Variants in ZSWIM5 observed in about 807,000 individuals in gnomAD.
ZSWIM5 encodes the protein zinc finger SWIM-type containing 5.
Under a neutral mutation model 119.6 loss-of-function variants are expected in ZSWIM5, and 55 were observed. The observed-to-expected ratio is 0.46, with a 90% CI of 0.37 to 0.58. The LOEUF is 0.58. ZSWIM5 is among the 20% of genes least tolerant of loss of function. The probability of loss-of-function intolerance (pLI) is 0.00; values close to 1 mark genes in which losing one functional copy is unlikely to be tolerated. For synonymous variants in ZSWIM5, 537 were observed against 606.9 expected (o/e 0.88, Z 1.69); for missense variants, 1,193 against 1,512.8 (o/e 0.79, Z 3.51).
intron 5 of ZSWIM5, among the ~76,000 whole-genome samples, chr1:45,047,540 A>T (rs1645063399): frequency 6.6e-6 from 1 of 152,186 alleles, no homozygotes; most frequent in Admixed American, 6.6e-5. Flanking sequence ...ATATGCTTGT[A>T]CACTCAAGAA....
chr1:45,128,552 G>A (rs1310990665), intron 1 of ZSWIM5, among the ~76,000 whole-genome samples: 1 of 152,174 alleles, frequency 6.6e-6, no homozygotes, highest in African/African-American at 2.4e-5. Context: ...TGTAGCACTG[G>A]AGGGAGAGGC....
intron 2 of ZSWIM5, among the ~76,000 whole-genome samples, chr1:45,081,566 G>A (rs2149008834): frequency 1.3e-5 from 2 of 152,358 alleles, no homozygotes; most frequent in East Asian, 3.9e-4. Context: ...GCCAGCCTCG[G>A]CCTCCCGAGG....
At chr1:45,030,235 T>C (rs1349527070) in intron 11 of ZSWIM5, among the ~76,000 whole-genome samples, 1 of 151,252 alleles carries the variant, frequency 6.6e-6, no homozygotes, top group Non-Finnish European at 1.5e-5. Flanking sequence ...TGAGTCACTT[T>C]GGCCTTTAAT....
chr1:45,085,375 T>A (rs1645320810), intron 2 of ZSWIM5, among the ~76,000 whole-genome samples: 2 of 152,330 alleles, frequency 1.3e-5, no homozygotes, highest in South Asian at 4.1e-4. Context: ...CTCATTGTCT[T>A]GGCTTTACTT....
intron 1 of ZSWIM5, among the ~76,000 whole-genome samples, chr1:45,125,895 A>C (rs1261487591): frequency 6.6e-6 from 1 of 151,138 alleles, no homozygotes; most frequent in Non-Finnish European, 1.5e-5. Flanking sequence ...GCAATATCTT[A>C]TCTCTACAAA....
At chr1:45,069,164 T>C (rs568322839) in intron 2 of ZSWIM5, among the ~76,000 whole-genome samples, 4 of 152,118 alleles carry the variant, frequency 2.6e-5, no homozygotes, top group South Asian at 2.1e-4. Context: ...CAATGGCTCA[T>C]GCCTGTAATC....
chr1:45,109,091 G>A lies in ZSWIM5; in HGVS notation c.596-20854C>T, dbSNP rs1479822275. 2.0e-5 allele frequency among the ~76,000 whole-genome samples: 3 copies of A among 152,314 alleles called. No individual in the cohort carries two copies. The East Asian group carries it at 5.8e-4, about 29-fold the overall frequency. On this transcript the variant is annotated intron_variant, in intron 1 of 13. Coordinates refer to ENST00000359600, the MANE Select transcript of ZSWIM5 (RefSeq NM_020883.2). The stretch of plus-strand genomic sequence containing the variant: ...TTTGTTCCATCTTGCAACTTGACCT[G>A]TATGGGGCAGCAAGAATGTCAAAAC...
In ZSWIM5 at chr1:45,088,900, T is replaced by G. The variant is rs1014364296; in HGVS notation, c.596-663A>C. Among the ~76,000 whole-genome samples, 7 of 152,212 alleles carry G rather than the reference T, an allele frequency of 4.6e-5. No individual in the cohort carries two copies. The highest frequency in any genetic ancestry group is 7.3e-5 in the Non-Finnish European group (5 of 68,046). On this transcript the variant is annotated intron_variant, in intron 1 of 13. Coordinates refer to ENST00000359600, the MANE Select transcript of ZSWIM5 (RefSeq NM_020883.2). The surrounding 1 kb of genome is among the most constrained non-coding windows in gnomAD (Gnocchi z 4.2). Reference sequence around the variant, plus strand: ...TTTGAAATGTAGGGAGAACCCATTTTTAACGTAACAAAATTAAAAGATAAA... The same window carrying G: ...TTTGAAATGTAGGGAGAACCCATTTGTAACGTAACAAAATTAAAAGATAAA...
chr1:45,098,110 G>C (rs1645415845), intron 1 of ZSWIM5, among the ~76,000 whole-genome samples: 1 of 146,034 alleles, frequency 6.8e-6, no homozygotes, highest in Non-Finnish European at 1.5e-5. Flanking sequence ...CAGACAAAAA[G>C]AGACAGAGAC....
At chr1:45,102,958 G>A (rs1464989233) in intron 1 of ZSWIM5, among the ~76,000 whole-genome samples, 1 of 152,016 alleles carries the variant, frequency 6.6e-6, no homozygotes, top group East Asian at 1.9e-4. Context: ...GACCTTCAGG[G>A]TCAAGTGATC....
At chr1:45,153,594 C>T (rs1645810748) in intron 1 of ZSWIM5, among the ~76,000 whole-genome samples, 1 of 151,870 alleles carries the variant, frequency 6.6e-6, no homozygotes, top group African/African-American at 2.4e-5. Flanking sequence ...AATCATTCCA[C>T]CAAAAACACA....
intron 1 of ZSWIM5, among the ~76,000 whole-genome samples, chr1:45,170,093 T>G (rs977096445): frequency 2.0e-5 from 3 of 152,144 alleles, no homozygotes; most frequent in Non-Finnish European, 2.9e-5. Flanking sequence ...TTATATAACA[T>G]TGTATGGATA....
Position 45,036,243 on chromosome 1 carries a change from G to C in ZSWIM5, c.1951C>G (p.Pro651Ala). Residue 651 changes from proline (P) to alanine (A), a missense_variant, in exon 9 of 14, where the codon CCA becomes GCA. Pro to Ala is a conservative substitution (Grantham distance 27, BLOSUM62 -1). Transcript: ENST00000359600. The part of the protein sequence containing the change: ...YQHVPVAAGS[P>A]NSSESYLSLA... The stretch of plus-strand genomic sequence containing the variant: ...GACAGGTAGGACTCACTGCTGTTTG[G>C]GGAGCCTGCAGCCACAGGTACATGC... The C allele has an allele frequency of 6.2e-7, 1 of 1,614,102 alleles. No homozygotes were observed. Among genetic ancestry groups the C allele is most frequent in the African/African-American group, 1.3e-5 (1 of 75,040 alleles).
chr1:45,122,874 T>C (rs1037044922), intron 1 of ZSWIM5, among the ~76,000 whole-genome samples: 3 of 152,138 alleles, frequency 2.0e-5, no homozygotes, highest in African/African-American at 7.2e-5. Context: ...TGTCAGGCTA[T>C]AACAAGGTGC....
chr1:45,093,846 G>GTTTT (rs11383878), intron 1 of ZSWIM5, among the ~76,000 whole-genome samples: 1 of 137,534 alleles, frequency 7.3e-6, no homozygotes, highest in Non-Finnish European at 1.5e-5. Context: ...GTAGAAGCTT[G>GTTTT]TTTTTTTTTT....
chr1:45,174,722 A>G (rs945518036), intron 1 of ZSWIM5, among the ~76,000 whole-genome samples: 1 of 152,120 alleles, frequency 6.6e-6, no homozygotes, highest in Non-Finnish European at 1.5e-5. Context: ...CCTGGGCCAC[A>G]GAGCAAGATT....
chr1:45,070,281 T>C (rs1645213467), intron 2 of ZSWIM5: 1 of 1,460,652 alleles, frequency 6.8e-7, no homozygotes, highest in Admixed American at 1.7e-5. Context: ...AATAACATCA[T>C]AAATTATTCC....
chr1:45,090,082 T>C (rs902194040), intron 1 of ZSWIM5, among the ~76,000 whole-genome samples: 5 of 152,306 alleles, frequency 3.3e-5, no homozygotes, highest in Admixed American at 3.3e-4. Context: ...CTGGCAGAAT[T>C]AACAAATGCA....
Position 45,060,211 on chromosome 1 carries a change from T to C in ZSWIM5, c.989A>G (p.Asp330Gly). 1 of 1,614,078 alleles carries C rather than the reference T, an allele frequency of 6.2e-7. No individual in the cohort carries two copies. Among genetic ancestry groups the C allele is most frequent in the East Asian group, 2.2e-5 (1 of 44,878 alleles). Residue 330 changes from aspartate to glycine, a missense_variant, in exon 3 of 14, where the codon GAT (aspartate) becomes GGT (glycine). Physicochemically the swap from Asp to Gly is moderately conservative, Grantham distance 94. Transcript: ENST00000359600. ...PDPTAGASID[D>G]ENCWHLDEEQ... ...TTCATCCAAATGCCAACAGTTCTCA[T>C]CGTCAATGCTGGCCCCAGCTGTGGG...
Sources: allele counts gnomAD v4.1 joint callset (sites outside exome capture counted in the v4.1 genomes callset), GRCh38; gene constraint gnomAD v4.1.1; non-coding constraint Gnocchi (gnomAD v3.1); transcripts MANE v1.5; gene names NCBI Gene and HGNC (gene_info 2026-07-23, HGNC 2026-07-21).